FSTL4: variants seen among roughly 807,000 people sequenced by gnomAD.
FSTL4 encodes the protein follistatin like 4, also known as follistatin-related protein 4.
Under a neutral mutation model 78.2 loss-of-function variants are expected in FSTL4, and 28 were observed. The observed-to-expected ratio is 0.36, with a 90% confidence interval of 0.27 to 0.49. The LOEUF (loss-of-function observed/expected upper bound fraction) is 0.49. Ranked by LOEUF, FSTL4 falls within the 20% of genes least tolerant of loss-of-function variation. FSTL4 has a pLI of 0.98. For synonymous variants in FSTL4, 422 were observed against 440.5 expected, an observed-to-expected ratio of 0.96 and a Z score of 0.53; for missense variants, 922 against 1,084.9, an observed-to-expected ratio of 0.85 and a Z score of 2.11.
chr5:133,655,861 A>C, the FSTL4 span, among the ~76,000 whole-genome samples: 9 of 152,202 alleles, frequency 5.9e-5, no homozygotes, highest in African/African-American at 2.2e-4. Context: ...GTTACTAATC[A>C]TGGTAAACCA....
At chr5:133,311,870 T>C (rs1753793520) in intron 6 of FSTL4, among the ~76,000 whole-genome samples, 1 of 152,188 alleles carries the variant, frequency 6.6e-6, no homozygotes. Context: ...TTCATCTCTT[T>C]TGGGCCAAGG....
the FSTL4 span, among the ~76,000 whole-genome samples, chr5:133,658,321 A>G: frequency 7.9e-5 from 12 of 152,104 alleles, no homozygotes; most frequent in Admixed American, 5.2e-4. Flanking sequence ...TTGATTTCGG[A>G]TGGTTTGTAG....
intron 4 of FSTL4, among the ~76,000 whole-genome samples, chr5:133,366,291 C>A (rs1221846743): frequency 6.6e-6 from 1 of 152,160 alleles, no homozygotes; most frequent in Non-Finnish European, 1.5e-5. Flanking sequence ...CCGAGGATAC[C>A]CCAGCCATTG....
At chr5:133,591,718 G>A (rs915239447) in intron 2 of FSTL4, among the ~76,000 whole-genome samples, 1 of 152,090 alleles carries the variant, frequency 6.6e-6, no homozygotes, top group African/African-American at 2.4e-5. Flanking sequence ...TGCAGCAAGG[G>A]CTACACTCAG....
At chr5:133,802,902 C>T in the FSTL4 span, among the ~76,000 whole-genome samples, 272 of 152,282 alleles carry the variant, frequency 1.8e-3, no homozygotes, top group Non-Finnish European at 2.9e-3. Context: ...CTTAGCAAGG[C>T]GTCTCATTTC....
At chr5:133,457,283 C>A (rs980110800) in intron 3 of FSTL4, among the ~76,000 whole-genome samples, 7 of 152,164 alleles carry the variant, frequency 4.6e-5, no homozygotes, top group African/African-American at 1.2e-4. Context: ...AAACAGCATG[C>A]GCACGTTAAC....
At chr5:133,656,172 T>G in the FSTL4 span, among the ~76,000 whole-genome samples, 1 of 151,058 alleles carries the variant, frequency 6.6e-6, no homozygotes, top group Non-Finnish European at 1.5e-5. Context: ...GGTAGGGGAG[T>G]GAGAAAGTGA....
At chr5:133,324,354 C>CCAAG in intron 4 of FSTL4, among the ~76,000 whole-genome samples, 1 of 152,318 alleles carries the variant, frequency 6.6e-6, no homozygotes, top group East Asian at 1.9e-4. Context: ...TGGTCAAGGC[C>CCAAG]CAAGCCTTGG....
At chr5:133,509,881 T>G (rs1758689432) in intron 3 of FSTL4, among the ~76,000 whole-genome samples, 1 of 152,210 alleles carries the variant, frequency 6.6e-6, no homozygotes, top group South Asian at 2.1e-4. Context: ...CCTGAAATGC[T>G]TGCTCTGAAC....
intron 3 of FSTL4, among the ~76,000 whole-genome samples, chr5:133,566,375 A>G (rs1351489581): frequency 1.3e-5 from 2 of 152,232 alleles, no homozygotes; most frequent in Non-Finnish European, 2.9e-5. Context: ...GAATTTGCTA[A>G]TTTCTTTTAG....
chr5:133,663,688 G>A, the FSTL4 span, among the ~76,000 whole-genome samples: 1 of 152,246 alleles, frequency 6.6e-6, no homozygotes, highest in Non-Finnish European at 1.5e-5. Flanking sequence ...TGACTTCACT[G>A]TAGGATAGAG....
intron 6 of FSTL4, among the ~76,000 whole-genome samples, chr5:133,279,381 C>T (rs1255885556): frequency 6.6e-6 from 1 of 152,176 alleles, no homozygotes; most frequent in East Asian, 1.9e-4. Context: ...CAGTTTTGTC[C>T]GAAACCATCT....
At chr5:133,710,110 T>A in the FSTL4 span, among the ~76,000 whole-genome samples, 1 of 152,192 alleles carries the variant, frequency 6.6e-6, no homozygotes, top group African/African-American at 2.4e-5. Context: ...GTCAGCCCAC[T>A]GCACGGGAAG....
intron 6 of FSTL4, among the ~76,000 whole-genome samples, chr5:133,292,598 G>C (rs1753291983): frequency 6.6e-6 from 1 of 151,626 alleles, no homozygotes; most frequent in Non-Finnish European, 1.5e-5. Flanking sequence ...CTCATCATTT[G>C]AGACTCTCAT....
intron 3 of FSTL4, among the ~76,000 whole-genome samples, chr5:133,556,902 A>T (rs1296415152): frequency 1.3e-5 from 2 of 152,196 alleles, no homozygotes; most frequent in Non-Finnish European, 2.9e-5. Context: ...TTGCTCATTC[A>T]CTTTTCTCTC....
the FSTL4 span, among the ~76,000 whole-genome samples, chr5:133,699,927 A>ATTC: frequency 6.6e-6 from 1 of 150,638 alleles, no homozygotes; most frequent in Non-Finnish European, 1.5e-5. Context: ...CACAACATTC[A>ATTC]TTCTTCCAGG....
chr5:133,559,165 TGAGATAAAA>T (rs1402343811), intron 3 of FSTL4, among the ~76,000 whole-genome samples: 1 of 152,164 alleles, frequency 6.6e-6, no homozygotes, highest in Non-Finnish European at 1.5e-5. Flanking sequence ...CAAGCAGCAA[TGAGATAAAA>T]GAGACAGAAA....
At chr5:133,487,978 A>AC (rs1330620863) in intron 3 of FSTL4, among the ~76,000 whole-genome samples, 1 of 152,200 alleles carries the variant, frequency 6.6e-6, no homozygotes. Context: ...AAAGAGACCA[A>AC]CCAGTCAAAC....
At chr5:133,457,273 A>G (rs965070017) in intron 3 of FSTL4, among the ~76,000 whole-genome samples, 9 of 152,202 alleles carry the variant, frequency 5.9e-5, no homozygotes, top group African/African-American at 1.4e-4. Flanking sequence ...ATGGAACTGC[A>G]AACAGCATGC....
Sources: gnomAD v4.1 joint callset for allele counts (sites outside exome capture counted in the v4.1 genomes callset) on GRCh38, gnomAD v4.1.1 for gene constraint, MANE v1.5 for transcripts, NCBI Gene and HGNC (gene_info 2026-07-23, HGNC 2026-07-21) for gene names.